CAMKMT: variants seen among roughly 807,000 people sequenced by gnomAD.
CAMKMT encodes the protein CaM KMT.
CAMKMT carries 53 observed loss-of-function variants against 48.0 expected under a neutral mutation model. The observed-to-expected ratio is 1.10, with a 90% confidence interval of 0.89 to 1.39. The LOEUF is 1.39. CAMKMT is among the 40% of genes most tolerant of loss of function. The pLI is 0.00. For synonymous variants in CAMKMT, 165 were observed against 152.3 expected (o/e 1.08, Z -0.61); for missense variants, 428 against 402.7 (o/e 1.06, Z -0.54).
chr2:44,366,141 C>T (rs1028723626), intron 1 of CAMKMT, among the ~76,000 whole-genome samples: 4 of 152,174 alleles, frequency 2.6e-5, no homozygotes, highest in Admixed American at 2.0e-4. Flanking sequence ...AACGTTAACT[C>T]CCTTTCAGCT....
chr2:44,552,477 A>C (rs1302550328), intron 3 of CAMKMT, among the ~76,000 whole-genome samples: 1 of 152,072 alleles, frequency 6.6e-6, no homozygotes, highest in Non-Finnish European at 1.5e-5. Flanking sequence ...GTCAATAACA[A>C]CTCCAAAATC....
intron 3 of CAMKMT, among the ~76,000 whole-genome samples, chr2:44,419,980 T>A (rs1461744984): frequency 6.6e-6 from 1 of 152,242 alleles, no homozygotes; most frequent in East Asian, 1.9e-4. Context: ...GTTTCTTTTT[T>A]TAGTATTTAG....
chr2:44,387,258 A>G (rs995805185), intron 2 of CAMKMT, among the ~76,000 whole-genome samples: 1 of 152,154 alleles, frequency 6.6e-6, no homozygotes, highest in Non-Finnish European at 1.5e-5. Context: ...GCCTTTTACC[A>G]TTATGTAATG....
chr2:44,682,126 T>C (rs1676051595), intron 3 of CAMKMT, among the ~76,000 whole-genome samples: 1 of 152,220 alleles, frequency 6.6e-6, no homozygotes, highest in Admixed American at 6.5e-5. Context: ...TTTAATTCCC[T>C]TTTTTACATA....
At chr2:44,585,107 G>A (rs1056208969) in intron 3 of CAMKMT, among the ~76,000 whole-genome samples, 2 of 151,888 alleles carry the variant, frequency 1.3e-5, no homozygotes, top group Non-Finnish European at 2.9e-5. Flanking sequence ...TAGTTTTAGT[G>A]CCCAGCTTTT....
At chr2:44,403,884 ATTTTAGAAAT>A (rs967499975) in intron 3 of CAMKMT, among the ~76,000 whole-genome samples, 2 of 152,194 alleles carry the variant, frequency 1.3e-5, no homozygotes, top group African/African-American at 4.8e-5. Context: ...CTTTGCATAA[ATTTTAGAAAT>A]TCTTTCTTCC....
intron 8 of CAMKMT, among the ~76,000 whole-genome samples, chr2:44,748,031 G>T (rs555130013): frequency 6.6e-6 from 1 of 152,142 alleles, no homozygotes; most frequent in Non-Finnish European, 1.5e-5. Flanking sequence ...AGCTACTGCT[G>T]TTCTCTCAGC....
intron 2 of CAMKMT, among the ~76,000 whole-genome samples, chr2:44,381,998 A>G (rs894795199): frequency 6.7e-6 from 1 of 148,754 alleles, no homozygotes; most frequent in Admixed American, 6.8e-5. Flanking sequence ...CTGGAATGCA[A>G]TGGCACGATC....
intron 3 of CAMKMT, among the ~76,000 whole-genome samples, chr2:44,408,259 T>G (rs988853068): frequency 2.0e-5 from 3 of 151,964 alleles, no homozygotes; most frequent in Non-Finnish European, 4.4e-5. Context: ...CTACTAACCT[T>G]GTGATCCACC....
chr2:44,606,242 AC>A (rs1671272810), intron 3 of CAMKMT, among the ~76,000 whole-genome samples: 1 of 152,208 alleles, frequency 6.6e-6, no homozygotes, highest in Admixed American at 6.5e-5. Context: ...TATCTGAAAT[AC>A]CTATTTTGTT....
intron 9 of CAMKMT, among the ~76,000 whole-genome samples, chr2:44,759,945 T>C (rs970673273): frequency 7.9e-5 from 12 of 152,322 alleles, no homozygotes; most frequent in African/African-American, 2.9e-4. Flanking sequence ...TGTGAATCTT[T>C]CGAATTTACG....
intron 3 of CAMKMT, among the ~76,000 whole-genome samples, chr2:44,525,797 T>C (rs893534777): frequency 6.6e-6 from 1 of 152,180 alleles, no homozygotes; most frequent in African/African-American, 2.4e-5. Context: ...AATCTGGATC[T>C]ATCAGACCCA....
At chr2:44,619,191 G>C (rs1351865219) in intron 3 of CAMKMT, among the ~76,000 whole-genome samples, 1 of 152,132 alleles carries the variant, frequency 6.6e-6, no homozygotes, top group Non-Finnish European at 1.5e-5. Flanking sequence ...AGTTCTACAG[G>C]ATACTTATTT....
At chr2:44,771,330 GAATA>G (rs1681101164) in intron 10 of CAMKMT, among the ~76,000 whole-genome samples, 1 of 152,050 alleles carries the variant, frequency 6.6e-6, no homozygotes, top group African/African-American at 2.4e-5. Context: ...TTATTTGCTA[GAATA>G]AATATAAATA....
At chr2:44,695,241 G>T (rs999538871) in intron 3 of CAMKMT, among the ~76,000 whole-genome samples, 5 of 152,030 alleles carry the variant, frequency 3.3e-5, no homozygotes, top group African/African-American at 1.2e-4. Context: ...ATGTCACGGA[G>T]GTCTGGTGTA....
rs1573112503 is a variant in CAMKMT, at chr2:44,701,789, T to C, written c.377-2494T>C. Among the ~76,000 whole-genome samples, 3 of 152,266 alleles carry C rather than the reference T, an allele frequency of 2.0e-5. No homozygotes were observed. In the East Asian group the frequency reaches 5.8e-4, roughly 29 times the overall value. On this transcript the variant is annotated intron_variant, in intron 3 of 10. Transcript: ENST00000378494. ...ATTATAAATAATGATGCAGGTAAAG[T>C]ACATTTTTATTTTCTAGTAAAGCTA...
intron 3 of CAMKMT, among the ~76,000 whole-genome samples, chr2:44,518,596 A>C (rs1479970587): frequency 6.6e-6 from 1 of 152,156 alleles, no homozygotes; most frequent in Non-Finnish European, 1.5e-5. Flanking sequence ...CTAAATACCT[A>C]CCTTAAGCTG....
At chr2:44,555,947 A>G (rs1218541990) in intron 3 of CAMKMT, among the ~76,000 whole-genome samples, 2 of 152,086 alleles carry the variant, frequency 1.3e-5, no homozygotes, top group East Asian at 3.9e-4. Flanking sequence ...AAGGAGTGGC[A>G]GCCAGATTGC....
At chr2:44,658,719 C>T (rs1010035314) in intron 3 of CAMKMT, among the ~76,000 whole-genome samples, 7 of 152,064 alleles carry the variant, frequency 4.6e-5, no homozygotes, top group Non-Finnish European at 1.0e-4. Context: ...TTATTCTCCT[C>T]ACCACTCTTA....
Sources: allele counts gnomAD v4.1 joint callset (sites outside exome capture counted in the v4.1 genomes callset), GRCh38; gene constraint gnomAD v4.1.1; transcripts MANE v1.5; gene names NCBI Gene and HGNC (gene_info 2026-07-23, HGNC 2026-07-21).